The following CCDC141 variants were observed in gnomAD, a reference collection of about 807,000 sequenced individuals.
The protein encoded by CCDC141 is coiled-coil domain-containing protein 141.
CCDC141 carries 168 observed loss-of-function variants against 181.0 expected under a neutral mutation model. The ratio of observed to expected loss-of-function variants is 0.93; its 90% CI spans 0.82 to 1.05. The LOEUF is 1.05. CCDC141 is among the 50% of genes least tolerant of loss of function. The probability of loss-of-function intolerance (pLI) is 0.00; values close to 1 mark genes in which losing one functional copy is unlikely to be tolerated. For synonymous variants in CCDC141, 666 were observed against 642.3 expected, an observed-to-expected ratio of 1.04 and a Z score of -0.56; for missense variants, 1,902 against 1,788.5, an observed-to-expected ratio of 1.06 and a Z score of -1.14.
At chr2:178,898,302 T>G (rs1391578771) in intron 8 of CCDC141, among the ~76,000 whole-genome samples, 1 of 152,194 alleles carries the variant, frequency 6.6e-6, no homozygotes. Context: ...CATCACGTTA[T>G]GAGGCAGCAT....
intron 6 of CCDC141, among the ~76,000 whole-genome samples, chr2:178,934,485 G>A (rs1689210785): frequency 6.6e-6 from 1 of 151,984 alleles, no homozygotes; most frequent in African/African-American, 2.4e-5. Flanking sequence ...CTATTTCATT[G>A]TCTCTTATAT....
At chr2:178,985,086 T>C (rs1049733068) in intron 2 of CCDC141, among the ~76,000 whole-genome samples, 6 of 151,402 alleles carry the variant, frequency 4.0e-5, no homozygotes, top group Non-Finnish European at 5.9e-5. Context: ...CCTCGGCAAA[T>C]GTAAAAGAAC....
In CCDC141 at chr2:178,853,478, C is replaced by T. The variant is rs373260016; in HGVS notation, c.3207G>A (p.Arg1069=). Residue 1069 remains arginine, a synonymous_variant, in exon 20 of 24, where the codon AGG becomes AGA. Coordinates refer to ENST00000443758, the MANE Select transcript of CCDC141 (RefSeq NM_173648.4). ...IAPSVPQQEE[R]IQEATDLAQH... ...GAGCAAGGTCAGTGGCCTCCTGAAT[C>T]CTTTCTTCTTGCTGCGGCACTGAGG... 1.1e-5 allele frequency: 18 copies of T among 1,614,122 alleles called. No individual in the cohort carries two copies. The highest frequency in any genetic ancestry group is 3.3e-4 in the Middle Eastern group (2 of 6,062).
chr2:179,006,609 T>C (rs1426655823), intron 2 of CCDC141, among the ~76,000 whole-genome samples: 1 of 152,176 alleles, frequency 6.6e-6, no homozygotes, highest in Non-Finnish European at 1.5e-5. Context: ...CTAGAAACTT[T>C]GCATGTGAAA....
chr2:178,960,546 G>A (rs528513417), intron 5 of CCDC141, among the ~76,000 whole-genome samples: 15 of 152,278 alleles, frequency 9.9e-5, no homozygotes, highest in African/African-American at 2.6e-4. Flanking sequence ...AATCAGAATT[G>A]TTGTGACAAA....
In CCDC141 at chr2:178,905,282, A is replaced by C. The variant is rs569310276; in HGVS notation, c.1265+47T>G. 362 of 1,471,558 alleles carry C rather than the reference A, an allele frequency of 2.5e-4. No homozygotes were observed. In the African/African-American group the frequency reaches 4.4e-3, roughly 18 times the overall value. 91.2% of individuals were successfully genotyped at this position (1,471,558 alleles called of 1,614,324 possible). A position where few individuals can be genotyped will look rare whatever the true frequency, so the allele number is the denominator to read the frequency against. On this transcript the variant is annotated intron_variant, in intron 8 of 23. Transcript: ENST00000443758. ...ATCTTATTTTTAGCACGTTGTGGAA[A>C]CTGTGAAAAAGCTTGTTACACTGAG...
chr2:179,014,351 AT>A (rs1205952680), intron 2 of CCDC141, among the ~76,000 whole-genome samples: 2 of 152,188 alleles, frequency 1.3e-5, no homozygotes, highest in African/African-American at 4.8e-5. Context: ...CCTTCTAGAC[AT>A]TTGCTTACGT....
chr2:178,862,646 C>T (rs2154368268), intron 17 of CCDC141, among the ~76,000 whole-genome samples: 1 of 152,176 alleles, frequency 6.6e-6, no homozygotes, highest in East Asian at 1.9e-4. Flanking sequence ...TAGGAAAAAG[C>T]ACAAAGTCTG....
At chr2:178,829,067 T>C (rs1371258957), downstream of CCDC141, among the ~76,000 whole-genome samples, 1 of 152,216 alleles carries the variant, frequency 6.6e-6, no homozygotes, top group Non-Finnish European at 1.5e-5. Flanking sequence ...GCCATGAGAA[T>C]ACAGATAGAA....
intron 2 of CCDC141, among the ~76,000 whole-genome samples, chr2:179,047,050 A>C: frequency 6.6e-6 from 1 of 152,204 alleles, no homozygotes. Flanking sequence ...TCATTTCTCC[A>C]CAGTGAAAAT....
intron 5 of CCDC141, among the ~76,000 whole-genome samples, chr2:178,953,600 T>C (rs566689230): frequency 6.6e-6 from 1 of 152,302 alleles, no homozygotes; most frequent in South Asian, 2.1e-4. Flanking sequence ...CCAGGACTTT[T>C]TGTTGATATA....
chr2:179,021,452 G>A (rs909703023), intron 2 of CCDC141, among the ~76,000 whole-genome samples: 4 of 152,294 alleles, frequency 2.6e-5, no homozygotes, highest in African/African-American at 9.6e-5. Flanking sequence ...TGCAGCTAAT[G>A]AGCTGCTGAA....
intron 4 of CCDC141, among the ~76,000 whole-genome samples, chr2:178,974,381 C>A (rs1559018943): frequency 6.6e-6 from 1 of 152,162 alleles, no homozygotes; most frequent in South Asian, 2.1e-4. Context: ...TTTATCTAAC[C>A]TCCTTCCATT....
intron 6 of CCDC141, among the ~76,000 whole-genome samples, chr2:178,920,558 C>CA (rs1279765992): frequency 6.6e-6 from 1 of 151,960 alleles, no homozygotes; most frequent in African/African-American, 2.4e-5. Context: ...CCTGTCTCTA[C>CA]AAAAAATGCA....
intron 12 of CCDC141, among the ~76,000 whole-genome samples, chr2:178,872,518 C>T (rs1686166697): frequency 6.6e-6 from 1 of 152,144 alleles, no homozygotes; most frequent in Non-Finnish European, 1.5e-5. Context: ...GTCCCGAGTT[C>T]TTCAAGACCC....
chr2:178,928,526 G>A (rs1325508735), intron 6 of CCDC141, among the ~76,000 whole-genome samples: 2 of 151,902 alleles, frequency 1.3e-5, no homozygotes, highest in Non-Finnish European at 2.9e-5. Context: ...CATGCTTTCC[G>A]GGACATTTTA....
intron 7 of CCDC141, among the ~76,000 whole-genome samples, chr2:178,918,253 A>C (rs1032832346): frequency 6.6e-6 from 1 of 152,044 alleles, no homozygotes; most frequent in Non-Finnish European, 1.5e-5. Context: ...CTACCAAAAA[A>C]AAAAAGTAGT....
intron 2 of CCDC141, among the ~76,000 whole-genome samples, chr2:179,015,153 C>G (rs184215935): frequency 1.1e-3 from 101 of 90,186 alleles, no homozygotes; most frequent in Admixed American, 2.0e-3. Flanking sequence ...ATCAATATAT[C>G]TCATATACAT....
At chr2:179,004,668 C>T (rs937911893) in intron 2 of CCDC141, among the ~76,000 whole-genome samples, 1 of 152,150 alleles carries the variant, frequency 6.6e-6, no homozygotes, top group Non-Finnish European at 1.5e-5. Context: ...TTTCTTGAAA[C>T]TACACCTTGT....
Sources: allele counts gnomAD v4.1 joint callset (sites outside exome capture counted in the v4.1 genomes callset), GRCh38; gene constraint gnomAD v4.1.1; transcripts MANE v1.5; gene names NCBI Gene and HGNC (gene_info 2026-07-23, HGNC 2026-07-21).